Variants in FSTL4 observed in about 807,000 individuals in gnomAD.
FSTL4 encodes follistatin like 4.
Under a neutral mutation model 78.2 loss-of-function variants are expected in FSTL4, and 28 were observed. The ratio of observed to expected loss-of-function variants is 0.36; its 90% CI spans 0.27 to 0.49. The LOEUF is 0.49. FSTL4 is among the 20% of genes least tolerant of loss of function. The pLI, the probability that FSTL4 is intolerant of heterozygous loss-of-function variation, is 0.98. For missense variants in FSTL4, 922 were observed against 1,084.9 expected, an observed-to-expected ratio of 0.85 and a Z score of 2.11; for synonymous variants, 422 against 440.5, an observed-to-expected ratio of 0.96 and a Z score of 0.53.
the FSTL4 span, among the ~76,000 whole-genome samples, chr5:133,797,771 A>T: frequency 1.3e-5 from 2 of 152,080 alleles, no homozygotes; most frequent in Non-Finnish European, 2.9e-5. Flanking sequence ...ATCTTCCATC[A>T]TCAAATGCCC....
At chr5:133,415,944 T>TACA (rs1183771426) in intron 3 of FSTL4, among the ~76,000 whole-genome samples, 1 of 152,242 alleles carries the variant, frequency 6.6e-6, no homozygotes, top group Non-Finnish European at 1.5e-5. Flanking sequence ...TGTGTATGTG[T>TACA]CTATGTATAC....
the FSTL4 span, among the ~76,000 whole-genome samples, chr5:133,785,177 C>A: frequency 6.6e-6 from 1 of 152,198 alleles, no homozygotes; most frequent in Non-Finnish European, 1.5e-5. Flanking sequence ...CTGGGCTTAC[C>A]CACTGAGGAC....
intron 3 of FSTL4, among the ~76,000 whole-genome samples, chr5:133,487,494 C>G (rs1049829563): frequency 1.1e-4 from 17 of 152,192 alleles, no homozygotes; most frequent in African/African-American, 4.1e-4. Context: ...GTTCATCAAT[C>G]TCTGTGACCT....
At chr5:133,264,656 G>A (rs893326302) in intron 6 of FSTL4, among the ~76,000 whole-genome samples, 6 of 152,162 alleles carry the variant, frequency 3.9e-5, no homozygotes, top group African/African-American at 1.4e-4. Context: ...ATTGGGATGC[G>A]AGAAATCTCT....
chr5:133,223,925 CA>C (rs1365766212), intron 11 of FSTL4, among the ~76,000 whole-genome samples: 2 of 152,174 alleles, frequency 1.3e-5, no homozygotes, highest in Non-Finnish European at 2.9e-5. Context: ...CAGATCTGAC[CA>C]GGAACCCTTA....
intron 3 of FSTL4, among the ~76,000 whole-genome samples, chr5:133,488,319 ATC>A (rs1166971657): frequency 6.6e-6 from 1 of 152,192 alleles, no homozygotes; most frequent in Non-Finnish European, 1.5e-5. Context: ...CAGTGGCACA[ATC>A]TCTGCTCACT....
chr5:133,589,563 G>A (rs1760580806), intron 2 of FSTL4, among the ~76,000 whole-genome samples: 1 of 152,078 alleles, frequency 6.6e-6, no homozygotes, highest in African/African-American at 2.4e-5. Context: ...CTGCCTGATG[G>A]TGAAAGAAGA....
chr5:133,640,320 A>G, the FSTL4 span, among the ~76,000 whole-genome samples: 349 of 152,308 alleles, frequency 2.3e-3, 1 homozygote, highest in African/African-American at 7.5e-3. Context: ...GAAGGGAGAC[A>G]TTGTCATTCA....
the FSTL4 span, among the ~76,000 whole-genome samples, chr5:133,822,395 C>G: frequency 6.6e-6 from 1 of 152,196 alleles, no homozygotes; most frequent in Non-Finnish European, 1.5e-5. Context: ...TTAATGTAAT[C>G]GTTTCAGCTC....
the FSTL4 span, among the ~76,000 whole-genome samples, chr5:133,757,945 G>A: frequency 1.3e-5 from 2 of 152,204 alleles, no homozygotes; most frequent in Non-Finnish European, 2.9e-5. Flanking sequence ...GCAGCCTGGA[G>A]CCCTGTGAGA....
intron 4 of FSTL4, among the ~76,000 whole-genome samples, chr5:133,398,400 G>A (rs1193697640): frequency 1.3e-5 from 2 of 152,046 alleles, no homozygotes; most frequent in African/African-American, 2.4e-5. Flanking sequence ...GCTGGGAGAG[G>A]CCCCAGCAAT....
At chr5:133,525,047 T>A (rs1759062008) in intron 3 of FSTL4, among the ~76,000 whole-genome samples, 1 of 152,220 alleles carries the variant, frequency 6.6e-6, no homozygotes, top group African/African-American at 2.4e-5. Flanking sequence ...CCCTGTTACA[T>A]GGAGTCTTCC....
chr5:133,208,149 A>G (rs536115514), intron 14 of FSTL4: 1 of 152,104 alleles, frequency 6.6e-6, no homozygotes, highest in East Asian at 1.9e-4. Flanking sequence ...GTCCACCTTG[A>G]TGTCTCTAAT....
At chr5:133,670,418 GCCAAGAGCCCGGGGAGTGGAA>G in the FSTL4 span, among the ~76,000 whole-genome samples, 1 of 152,212 alleles carries the variant, frequency 6.6e-6, no homozygotes, top group Non-Finnish European at 1.5e-5. Context: ...CGTGGGCAAG[GCCAAGAGCCCGGGGAGTGGAA>G]CCAAGAACTG....
At chr5:133,602,777 G>C (rs1026659912) in intron 2 of FSTL4, among the ~76,000 whole-genome samples, 10 of 152,184 alleles carry the variant, frequency 6.6e-5, no homozygotes, top group African/African-American at 2.4e-4. Flanking sequence ...CAGGAAAAGT[G>C]TACATTAAAT....
the FSTL4 span, among the ~76,000 whole-genome samples, chr5:133,734,839 C>G: frequency 6.6e-6 from 1 of 152,140 alleles, no homozygotes; most frequent in Non-Finnish European, 1.5e-5. Flanking sequence ...GTCAGATCTC[C>G]ACTCTCTGCC....
the FSTL4 span, among the ~76,000 whole-genome samples, chr5:133,732,198 G>A: frequency 1.3e-5 from 2 of 152,184 alleles, no homozygotes; most frequent in Non-Finnish European, 2.9e-5. Context: ...GATCACCCAG[G>A]GCCCCCGAAC....
intron 3 of FSTL4, among the ~76,000 whole-genome samples, chr5:133,491,805 G>A (rs979142791): frequency 6.6e-6 from 1 of 152,106 alleles, no homozygotes; most frequent in Admixed American, 6.5e-5. Context: ...GCACATCCGT[G>A]TATTTTAAAA....
intron 4 of FSTL4, among the ~76,000 whole-genome samples, chr5:133,319,640 C>A (rs988058686): frequency 6.6e-6 from 1 of 152,186 alleles, no homozygotes; most frequent in Non-Finnish European, 1.5e-5. Flanking sequence ...ACAACCCAGG[C>A]AGAGCCTCCA....
Sources: gnomAD v4.1 joint callset for allele counts (sites outside exome capture counted in the v4.1 genomes callset) on GRCh38, gnomAD v4.1.1 for gene constraint, MANE v1.5 for transcripts, NCBI Gene and HGNC (gene_info 2026-07-23, HGNC 2026-07-21) for gene names.